PPFIA1: variants seen among roughly 807,000 people sequenced by gnomAD.
The protein encoded by PPFIA1 is PPFI scaffold protein A1.
In PPFIA1, 25 loss-of-function variants were observed where a neutral mutation model predicts 149.9. That is an observed-to-expected ratio of 0.17 (90% CI 0.12 to 0.23). The LOEUF (loss-of-function observed/expected upper bound fraction) is 0.23. Ranked by LOEUF, PPFIA1 falls within the 10% of genes least tolerant of loss-of-function variation. PPFIA1 has a pLI of 1.00. For missense variants in PPFIA1, 1,362 were observed against 1,506.5 expected (o/e 0.90, Z 1.59); for synonymous variants, 549 against 552.8 (o/e 0.99, Z 0.10).
intron 14 of PPFIA1, 68 bp from the exon 15 acceptor site, chr11:70,343,601 G>C: frequency 7.1e-7 from 1 of 1,407,594 alleles, no homozygotes; most frequent in East Asian, 2.3e-5. Context: ...CTAAATTTCC[G>C]ATAGATTTAT....
intron 2 of PPFIA1, among the ~76,000 whole-genome samples, chr11:70,308,070 T>C (rs55904662): frequency 0.22 from 33,335 of 152,244 alleles, 5,572 homozygotes; most frequent in African/African-American, 0.46. Flanking sequence ...TATTTTGAGA[T>C]GGAGTTTTGC....
At chr11:70,296,500 C>T (rs1482750582) in intron 2 of PPFIA1, among the ~76,000 whole-genome samples, 3 of 152,074 alleles carry the variant, frequency 2.0e-5, no homozygotes, top group Admixed American at 6.5e-5. Context: ...GCCAACACAG[C>T]GAAACCCCGT....
chr11:70,339,070 G>A lies in PPFIA1; in HGVS notation c.1572-101G>A. ...GTGCCCTCCCTGGAGACCCTTTCCT[G>A]TGTGGAATAACTTTTCCAAATTGAT... On this transcript the variant is annotated intron_variant, in intron 13 of 27. Coordinates refer to ENST00000253925, the MANE Select transcript of PPFIA1 (RefSeq NM_003626.5). The A allele has an allele frequency of 2.8e-6, 4 of 1,414,514 alleles. No individual in the cohort carries two copies. The South Asian group carries it at 4.0e-5, about 14-fold the overall frequency. 87.6% of individuals were successfully genotyped at this position (1,414,514 alleles called of 1,614,324 possible).
intron 2 of PPFIA1, among the ~76,000 whole-genome samples, chr11:70,323,008 T>C (rs2054039943): frequency 6.6e-6 from 1 of 152,170 alleles, no homozygotes; most frequent in Non-Finnish European, 1.5e-5. Context: ...TTCAGTGAAA[T>C]TGTGGCTAAT....
intron 2 of PPFIA1, among the ~76,000 whole-genome samples, chr11:70,300,555 G>A (rs2052419736): frequency 7.0e-6 from 1 of 142,276 alleles, no homozygotes; most frequent in African/African-American, 2.6e-5. Context: ...TTTTTTTTGA[G>A]ATGGAGTCTC....
At chr11:70,356,111 G>T in intron 18 of PPFIA1, 50 bp from the exon 19 acceptor site, 1 of 1,390,812 alleles carries the variant, frequency 7.2e-7, no homozygotes, top group Non-Finnish European at 1.0e-6. Context: ...TGAAAACATA[G>T]AGCTTTGTCA....
At chr11:70,375,181 TAAAAAA>T (rs372735947) in intron 24 of PPFIA1, 88 bp downstream of exon 24, 3 of 141,570 alleles carry the variant, frequency 2.1e-5, no homozygotes, top group Non-Finnish European at 3.2e-5. Flanking sequence ...AAAGAAACTT[TAAAAAA>T]AAAAAAAAAA....
intron 7 of PPFIA1, among the ~76,000 whole-genome samples, chr11:70,328,529 G>A (rs921142600): frequency 1.3e-5 from 2 of 152,088 alleles, no homozygotes; most frequent in East Asian, 3.9e-4. Context: ...GAATAGTGCT[G>A]CAGTGAACAT....
At chr11:70,364,005 A>G (rs1349599014) in intron 21 of PPFIA1, among the ~76,000 whole-genome samples, 2 of 152,324 alleles carry the variant, frequency 1.3e-5, no homozygotes, top group South Asian at 2.1e-4. Context: ...GACTACAGGC[A>G]TGCACAGCCA....
chr11:70,278,243 G>C (rs488746), intron 2 of PPFIA1, among the ~76,000 whole-genome samples: 69,588 of 151,366 alleles, frequency 0.46, 18,386 homozygotes, highest in African/African-American at 0.72. Flanking sequence ...CACCATGTTT[G>C]CCAGGCTGGG....
chr11:70,291,913 C>T (rs373181509), intron 2 of PPFIA1, among the ~76,000 whole-genome samples: 1 of 149,844 alleles, frequency 6.7e-6, no homozygotes, highest in Non-Finnish European at 1.5e-5. Context: ...TCTCGGCTCA[C>T]GGCAACCTCC....
At chr11:70,318,503 TC>T (rs1296998005) in intron 2 of PPFIA1, among the ~76,000 whole-genome samples, 2 of 152,240 alleles carry the variant, frequency 1.3e-5, no homozygotes, top group Non-Finnish European at 2.9e-5. Context: ...ATTCTTGCCC[TC>T]ACTATGCAAA....
chr11:70,372,183 T>C (rs2135386039), intron 21 of PPFIA1, 32 bp from the exon 22 acceptor site: 1 of 1,570,998 alleles, frequency 6.4e-7, no homozygotes, highest in Non-Finnish European at 8.6e-7. Context: ...AGACTTCCTC[T>C]GTAACTGACC....
intron 2 of PPFIA1, among the ~76,000 whole-genome samples, chr11:70,307,040 CAATGGCGAATGGAG>C (rs2052900609): frequency 6.6e-6 from 1 of 152,078 alleles, no homozygotes; most frequent in Non-Finnish European, 1.5e-5. Flanking sequence ...GTATGATAGG[CAATGGCGAATGGAG>C]AATGGATCTG....
At chr11:70,298,642 C>T (rs1012940359) in intron 2 of PPFIA1, among the ~76,000 whole-genome samples, 5 of 152,184 alleles carry the variant, frequency 3.3e-5, no homozygotes, top group Admixed American at 1.3e-4. Context: ...ATCTGTCCCA[C>T]GGTGCTGGCC....
chr11:70,329,342 TTGTTAATCGTATAGGTGAATATTTA>T (rs1375420216), intron 7 of PPFIA1, among the ~76,000 whole-genome samples: 3 of 152,230 alleles, frequency 2.0e-5, no homozygotes, highest in African/African-American at 7.2e-5. Flanking sequence ...AGACAAGTCT[TTGTTAATCGTATAGGTGAATATTTA>T]TGGTATTTGA....
chr11:70,333,630 C>A, intron 10 of PPFIA1, 77 bp downstream of exon 10: 1 of 1,105,830 alleles, frequency 9.0e-7, no homozygotes, highest in Non-Finnish European at 1.4e-6. Flanking sequence ...GAGCTCAGGG[C>A]CTCCCACCCC....
chr11:70,300,113 C>T (rs111637641), intron 2 of PPFIA1, among the ~76,000 whole-genome samples: 3 of 150,714 alleles, frequency 2.0e-5, no homozygotes, highest in African/African-American at 4.9e-5. Flanking sequence ...CCCTTCCACC[C>T]GCCCCACAGA....
chr11:70,340,014 AAAAAT>A (rs1337124392), intron 14 of PPFIA1, among the ~76,000 whole-genome samples: 4 of 151,948 alleles, frequency 2.6e-5, no homozygotes, highest in African/African-American at 9.7e-5. Flanking sequence ...CTCCATCTTA[AAAAAT>A]AAAATAAAAA....
Sources: gnomAD v4.1 joint callset for allele counts (sites outside exome capture counted in the v4.1 genomes callset) on GRCh38, gnomAD v4.1.1 for gene constraint, MANE v1.5 for transcripts, NCBI Gene and HGNC (gene_info 2026-07-23, HGNC 2026-07-21) for gene names.